GALNT2: variants seen among roughly 807,000 people sequenced by gnomAD.
GALNT2 encodes the protein UDP-GalNAc:polypeptide N-acetylgalactosaminyltransferase 2.
Under a neutral mutation model 81.4 loss-of-function variants are expected in GALNT2, and 31 were observed. The observed-to-expected ratio is 0.38, with a 90% CI of 0.29 to 0.51. GALNT2 has a LOEUF of 0.51. Ranked by LOEUF, GALNT2 falls within the 20% of genes least tolerant of loss-of-function variation. The probability of loss-of-function intolerance (pLI) is 0.87; values close to 1 mark genes in which losing one functional copy is unlikely to be tolerated. For missense variants in GALNT2, 629 were observed against 765.7 expected, an observed-to-expected ratio of 0.82 and a Z score of 2.11; for synonymous variants, 303 against 287.4, an observed-to-expected ratio of 1.05 and a Z score of -0.55.
intron 1 of GALNT2, among the ~76,000 whole-genome samples, chr1:230,076,696 A>C (rs1427109225): frequency 3.3e-5 from 5 of 152,166 alleles, no homozygotes; most frequent in Non-Finnish European, 7.3e-5. Flanking sequence ...TGCTTTTCAT[A>C]GAGGCCATTC....
intron 3 of GALNT2, among the ~76,000 whole-genome samples, chr1:230,227,821 CA>C (rs1164812147): frequency 6.6e-6 from 1 of 152,070 alleles, no homozygotes; most frequent in Admixed American, 6.5e-5. Context: ...AAGATAGGAT[CA>C]AGGCAAGGTT....
chr1:230,164,007 T>C (rs983720360), intron 1 of GALNT2, among the ~76,000 whole-genome samples: 5 of 152,254 alleles, frequency 3.3e-5, no homozygotes, highest in Non-Finnish European at 7.3e-5. Flanking sequence ...AGCTGTGTGC[T>C]CTTGACTTTG....
chr1:230,235,213 CAAAAAA>C (rs10532058), intron 3 of GALNT2, among the ~76,000 whole-genome samples: 12 of 76,736 alleles, frequency 1.6e-4, no homozygotes, highest in Non-Finnish European at 2.5e-4. Flanking sequence ...GACCCTGTCT[CAAAAAA>C]AAAAAAAAAA....
chr1:230,179,711 T>G (rs988042829), intron 2 of GALNT2, among the ~76,000 whole-genome samples: 4 of 152,200 alleles, frequency 2.6e-5, no homozygotes, highest in Non-Finnish European at 5.9e-5. Flanking sequence ...TTATCAGATA[T>G]GGGTTTTGTA....
intron 2 of GALNT2, among the ~76,000 whole-genome samples, chr1:230,198,375 G>A (rs1012106762): frequency 1.4e-5 from 2 of 144,470 alleles, no homozygotes; most frequent in African/African-American, 5.0e-5. Flanking sequence ...GCCCAGGAGC[G>A]TACGAGGAGT....
intron 2 of GALNT2, among the ~76,000 whole-genome samples, chr1:230,190,411 C>G (rs1486488203): frequency 6.6e-6 from 1 of 152,192 alleles, no homozygotes; most frequent in Admixed American, 6.5e-5. Flanking sequence ...AGAGTTGGCT[C>G]CTGGGACCAA....
At chr1:230,127,898 A>C (rs1412971001) in intron 1 of GALNT2, among the ~76,000 whole-genome samples, 1 of 152,166 alleles carries the variant, frequency 6.6e-6, no homozygotes, top group African/African-American at 2.4e-5. Flanking sequence ...GCCAAGACGG[A>C]ACCTCCCCTC....
At chr1:230,131,581 T>G (rs1661368520) in intron 1 of GALNT2, among the ~76,000 whole-genome samples, 1 of 152,182 alleles carries the variant, frequency 6.6e-6, no homozygotes, top group Non-Finnish European at 1.5e-5. Context: ...CCAATTCTCC[T>G]TGCTTGGCAC....
At chr1:230,109,787 G>A (rs1269522639) in intron 1 of GALNT2, among the ~76,000 whole-genome samples, 1 of 150,594 alleles carries the variant, frequency 6.6e-6, no homozygotes, top group Non-Finnish European at 1.5e-5. Context: ...GAGAGATCAC[G>A]CCATTGCCCT....
At chr1:230,247,209 C>A (rs1195203894) in intron 8 of GALNT2, among the ~76,000 whole-genome samples, 3 of 152,160 alleles carry the variant, frequency 2.0e-5, no homozygotes, top group Non-Finnish European at 4.4e-5. Flanking sequence ...CAGAGTGAGA[C>A]CCTGCTTATT....
chr1:230,148,116 C>CT (rs990969221), intron 1 of GALNT2, among the ~76,000 whole-genome samples: 1 of 152,208 alleles, frequency 6.6e-6, no homozygotes, highest in Non-Finnish European at 1.5e-5. Context: ...TGCCCACACT[C>CT]TTCCCCATCC....
At position 230,236,375 on chromosome 1, in the gene GALNT2, C is replaced by A. The variant is rs1665031796; in HGVS notation, c.496C>A (p.His166Asn). Residue 166 changes from histidine to asparagine, a missense_variant, in exon 5 of 16, where the codon CAT becomes AAT. This residue lies in a region of GALNT2 where 360 missense variants were observed against 492.8 expected (regional missense o/e 0.73). Transcript: ENST00000366672. Reference sequence around the variant, plus strand: ...TAGCGTGCTTAAGAAAAGCCCGCCCCATCTCATAAAAGAAATCATCTTGGT... The same window carrying A: ...TAGCGTGCTTAAGAAAAGCCCGCCCAATCTCATAAAAGAAATCATCTTGGT... ...VVSVLKKSPP[H>N]LIKEIILVDD... The A allele has an allele frequency of 6.2e-7, 1 of 1,614,114 alleles. No individual in the cohort carries two copies. The highest frequency in any genetic ancestry group is 8.5e-7 in the Non-Finnish European group (1 of 1,179,984).
At chr1:230,247,488 G>A (rs148637642) in intron 8 of GALNT2, among the ~76,000 whole-genome samples, 1 of 152,322 alleles carries the variant, frequency 6.6e-6, no homozygotes, top group East Asian at 1.9e-4. Context: ...ACTGTACCTA[G>A]GGTGGGAAAC....
At chr1:230,127,456 A>G (rs1430494808) in intron 1 of GALNT2, among the ~76,000 whole-genome samples, 1 of 151,776 alleles carries the variant, frequency 6.6e-6, no homozygotes, top group Non-Finnish European at 1.5e-5. Flanking sequence ...CCTCACTGCA[A>G]CCTCCGCCTC....
intron 1 of GALNT2, among the ~76,000 whole-genome samples, chr1:230,122,519 TC>T (rs1661047657): frequency 1.3e-5 from 2 of 152,148 alleles, no homozygotes; most frequent in South Asian, 4.1e-4. Flanking sequence ...AGCTTACATT[TC>T]TTGGGTGTAT....
chr1:230,267,704 GAACA>G (rs1352687902), intron 14 of GALNT2, among the ~76,000 whole-genome samples: 1 of 152,344 alleles, frequency 6.6e-6, no homozygotes, highest in African/African-American at 2.4e-5. Context: ...GGGGAGGGAA[GAACA>G]AACAGAGTGG....
chr1:230,276,300 A>T (rs1285044302), intron 15 of GALNT2, among the ~76,000 whole-genome samples: 1 of 152,078 alleles, frequency 6.6e-6, no homozygotes, highest in Non-Finnish European at 1.5e-5. Flanking sequence ...GGCATGGGGT[A>T]ACAGTTAGTG....
At chr1:230,069,299 T>TA (rs755608292) in intron 1 of GALNT2, among the ~76,000 whole-genome samples, 1 of 152,098 alleles carries the variant, frequency 6.6e-6, no homozygotes, top group Non-Finnish European at 1.5e-5. Flanking sequence ...TTGTTTTTTT[T>TA]AAAGAATTCC....
intron 1 of GALNT2, among the ~76,000 whole-genome samples, chr1:230,076,481 A>C (rs1416960003): frequency 6.6e-6 from 1 of 152,146 alleles, no homozygotes; most frequent in Non-Finnish European, 1.5e-5. Context: ...TATTTGCAGG[A>C]AACCAGAGAT....
Sources: gnomAD v4.1 joint callset for allele counts (sites outside exome capture counted in the v4.1 genomes callset) on GRCh38, gnomAD v4.1.1 for gene constraint, gnomAD v4.1.1 regional missense constraint, MANE v1.5 for transcripts, NCBI Gene and HGNC (gene_info 2026-07-23, HGNC 2026-07-21) for gene names.